Variants in IGSF9B observed in about 807,000 individuals in gnomAD.
IGSF9B encodes the protein immunoglobulin superfamily member 9B, also known as protein turtle homolog B.
IGSF9B carries 48 observed loss-of-function variants against 143.7 expected under a neutral mutation model. The observed-to-expected ratio is 0.33, with a 90% CI of 0.26 to 0.42. The LOEUF (loss-of-function observed/expected upper bound fraction) is 0.42, where lower values mean the gene tolerates loss of function less well. Ranked by LOEUF, IGSF9B falls within the 20% of genes least tolerant of loss-of-function variation. The pLI is 1.00. For missense variants in IGSF9B, 1,706 were observed against 1,980.0 expected (o/e 0.86, Z 2.63); for synonymous variants, 903 against 833.1 (o/e 1.08, Z -1.44).
intron 4 of IGSF9B, 60 bp downstream of exon 4, chr11:133,937,750 G>A: frequency 1.3e-6 from 2 of 1,562,478 alleles, no homozygotes; most frequent in Non-Finnish European, 1.7e-6. Flanking sequence ...TGCAGTAGGA[G>A]GCTGCCCTGG....
chr11:133,921,730 C>T (rs1939542719), intron 17 of IGSF9B, among the ~76,000 whole-genome samples: 1 of 152,058 alleles, frequency 6.6e-6, no homozygotes, highest in African/African-American at 2.4e-5. Flanking sequence ...TTCCAGTGAA[C>T]ACCCGCCTCT....
intron 18 of IGSF9B, among the ~76,000 whole-genome samples, chr11:133,917,109 G>C (rs185330159): frequency 1.5e-3 from 224 of 152,286 alleles, no homozygotes; most frequent in African/African-American, 5.2e-3. Flanking sequence ...CTCTAGGGGG[G>C]GAAGGCACCT....
rs917831979 is a variant in IGSF9B at position 133,931,425 on chromosome 11, C to A, written c.1368+28G>T. 4 of 1,534,018 alleles carry A rather than the reference C, an allele frequency of 2.6e-6. No homozygotes were observed. Among genetic ancestry groups the A allele is most frequent in the African/African-American group, 1.4e-5 (1 of 73,110 alleles). On this transcript the variant is annotated intron_variant, in intron 10 of 19. Transcript: ENST00000533871. The surrounding 1 kb of genome is among the most constrained non-coding windows in gnomAD (Gnocchi z 7.7). Reference sequence around the variant, plus strand: ...CTCCCTGGGCCCTCACACCTCCCTGCAGACCCAGGGCTCCAGGGCCCAGGT... The same window carrying A: ...CTCCCTGGGCCCTCACACCTCCCTGAAGACCCAGGGCTCCAGGGCCCAGGT...
intron 6 of IGSF9B, 72 bp downstream of exon 6, chr11:133,935,981 T>G: frequency 6.4e-7 from 1 of 1,557,066 alleles, no homozygotes; most frequent in Non-Finnish European, 8.7e-7. Flanking sequence ...GCCCGTGCAA[T>G]TTCTGCTCAG....
rs1198664502 is a variant in IGSF9B, at chr11:133,917,851, T to C, written c.3983+1891A>G. Among the ~76,000 whole-genome samples, 4 of 152,018 alleles carry C rather than the reference T, an allele frequency of 2.6e-5. No homozygotes were observed. The East Asian group carries it at 7.8e-4, about 30-fold the overall frequency. ...AGGGTGCGGGGGGGCTCTTCCTGGA[T>C]ACCAGAGGGGCCCCAGAGAGGTCCC... On this transcript the variant is annotated intron_variant, in intron 18 of 19. Coordinates refer to ENST00000533871, the MANE Select transcript of IGSF9B (RefSeq NM_001277285.4).
In IGSF9B at chr11:133,945,410, C is replaced by T. The variant is rs1348207808; in HGVS notation, c.262+651G>A. 6.6e-6 allele frequency among the ~76,000 whole-genome samples: 1 copy of T among 152,236 alleles called. No individual in the cohort carries two copies. The highest frequency in any genetic ancestry group is 1.5e-5 in the Non-Finnish European group (1 of 68,048). ...CAAAGATGAAAGTGAAGGCAGTGCC[C>T]TGCCTGCTTCCTCCCTTCCTTTCAA... On this transcript the variant is annotated intron_variant, in intron 2 of 19. Coordinates refer to ENST00000533871, the MANE Select transcript of IGSF9B (RefSeq NM_001277285.4). The surrounding 1 kb of genome is among the most constrained non-coding windows in gnomAD (Gnocchi z 4.6).
At position 133,931,810 on chromosome 11, in the gene IGSF9B, C is replaced by G; in HGVS notation, c.1111-15G>C. 1 of 1,610,406 alleles carries G rather than the reference C, an allele frequency of 6.2e-7. No individual in the cohort carries two copies. Among genetic ancestry groups the G allele is most frequent in the East Asian group, 2.2e-5 (1 of 44,852 alleles). Reference sequence around the variant, plus strand: ...CAACCGAGGTTCTGCCAGACACAGACGATAGGGCAGGGAACGCTGGTCAGA... The same window carrying G: ...CAACCGAGGTTCTGCCAGACACAGAGGATAGGGCAGGGAACGCTGGTCAGA... On this transcript the variant is annotated splice_polypyrimidine_tract_variant and intron_variant, in intron 8 of 19. Coordinates refer to ENST00000533871, the MANE Select transcript of IGSF9B (RefSeq NM_001277285.4). The surrounding 1 kb of genome is among the most constrained non-coding windows in gnomAD (Gnocchi z 7.7).
At chr11:133,941,587 A>T (rs1939956286) in intron 3 of IGSF9B, among the ~76,000 whole-genome samples, 1 of 152,202 alleles carries the variant, frequency 6.6e-6, no homozygotes, top group Non-Finnish European at 1.5e-5. Context: ...GCAGAAGAGG[A>T]GAAAGGAGAT....
At position 133,948,265 on chromosome 11, in the gene IGSF9B, A is replaced by T. The variant is rs1406612325; in HGVS notation, c.65-2007T>A. Among the ~76,000 whole-genome samples, 1 of 152,046 alleles carries T rather than the reference A, an allele frequency of 6.6e-6. No individual in the cohort carries two copies. The highest frequency in any genetic ancestry group is 1.5e-5 in the Non-Finnish European group (1 of 67,996). On this transcript the variant is annotated intron_variant, in intron 1 of 19. Coordinates refer to ENST00000533871, the MANE Select transcript of IGSF9B (RefSeq NM_001277285.4). The surrounding 1 kb of genome is among the most constrained non-coding windows in gnomAD (Gnocchi z 4.7). Reference sequence around the variant, plus strand: ...CCCCCTCCCCTGCAAGTTGCGGAAGAGGGAGGAGGCAAGCCCTTCCAGAAG... The same window carrying T: ...CCCCCTCCCCTGCAAGTTGCGGAAGTGGGAGGAGGCAAGCCCTTCCAGAAG...
intron 12 of IGSF9B, 94 bp downstream of exon 12, chr11:133,929,577 C>T (rs1939686389): frequency 1.1e-6 from 1 of 892,506 alleles, no homozygotes; most frequent in Non-Finnish European, 1.8e-6. Flanking sequence ...GCAGCCTCCT[C>T]CTACCTCCCC....
At chr11:133,944,783 G>A (rs965956743) in intron 2 of IGSF9B, among the ~76,000 whole-genome samples, 2 of 152,190 alleles carry the variant, frequency 1.3e-5, no homozygotes, top group African/African-American at 2.4e-5. Flanking sequence ...GCACCCGGGA[G>A]CACCTCCATT....
At chr11:133,922,534 GC>G in intron 16 of IGSF9B, 34 bp downstream of exon 16, 1 of 1,594,392 alleles carries the variant, frequency 6.3e-7, no homozygotes, top group South Asian at 1.1e-5. Context: ...TTGAAACCGG[GC>G]CAGGGAGAGC....
In IGSF9B at chr11:133,902,622, G is replaced by C. The variant is rs1939157385; in HGVS notation, c.*6447C>G. 6.8e-6 allele frequency among the ~76,000 whole-genome samples: 1 copy of C among 147,544 alleles called. No individual in the cohort carries two copies. The highest frequency in any genetic ancestry group is 2.5e-5 in the African/African-American group (1 of 40,016). The stretch of plus-strand genomic sequence containing the variant: ...TTCCTGAATCCAGAAAAGAAACACT[G>C]GACTAGACAGCTGGCTGGGGGTTAG... On this transcript the variant is annotated 3_prime_UTR_variant, in exon 20 of 20. Coordinates refer to ENST00000533871, the MANE Select transcript of IGSF9B (RefSeq NM_001277285.4).
At position 133,909,366 on chromosome 11, in the gene IGSF9B, TC is replaced by T. The variant is rs1448160178; in HGVS notation, c.4106-90del. 9.4e-7 allele frequency: 1 copy of T among 1,058,294 alleles called. No individual in the cohort carries two copies. The highest frequency in any genetic ancestry group is 2.6e-5 in the East Asian group (1 of 38,516). The allele number at this position is 1,058,294 out of a possible 1,614,324, so 65.6% of individuals were successfully genotyped here. A position where few individuals can be genotyped will look rare whatever the true frequency, so the allele number is the denominator to read the frequency against. ...GCTCACCTTTTCCACCTGCATTTGT[TC>T]CGGGTTTCTAATGTTGAAACAAAGG... On this transcript the variant is annotated intron_variant, in intron 19 of 19. Coordinates refer to ENST00000533871, the MANE Select transcript of IGSF9B (RefSeq NM_001277285.4). The surrounding 1 kb of genome is among the most constrained non-coding windows in gnomAD (Gnocchi z 4.2).
In IGSF9B at chr11:133,937,459, C is replaced by T; in HGVS notation, c.596G>A (p.Ser199Asn). ...GGTGTAGGCACCTCTGTCCTCCCGACTGACCGATGTCACTGTCAGGCTGCC... is the reference window on the plus strand; with the variant it reads ...GGTGTAGGCACCTCTGTCCTCCCGATTGACCGATGTCACTGTCAGGCTGCC... Reference protein sequence around the residue: ...SDGSLTVTSVSREDRGAYTCR... With the variant: ...SDGSLTVTSVNREDRGAYTCR... The change falls in exon 5 of 20, where the codon AGT becomes AAT. Residue 199 changes from serine to asparagine, a missense_variant. Coordinates refer to ENST00000533871, the MANE Select transcript of IGSF9B (RefSeq NM_001277285.4). 6.2e-7 allele frequency: 1 copy of T among 1,613,866 alleles called. No homozygotes were observed. The highest frequency in any genetic ancestry group is 8.5e-7 in the Non-Finnish European group (1 of 1,179,794).
rs550698364 is a variant in IGSF9B at position 133,903,472 on chromosome 11, T to C, written c.*5597A>G. ...ACCGCAGAAGACAACACCCATGTGA[T>C]TTTAATGACTGGCCACTGTTCCACC... On this transcript the variant is annotated 3_prime_UTR_variant, in exon 20 of 20. Transcript: ENST00000533871. Among the ~76,000 whole-genome samples the C allele has an allele frequency of 7.2e-5, 11 of 152,222 alleles. No homozygotes were observed. Among genetic ancestry groups the C allele is most frequent in the Non-Finnish European group, 1.3e-4 (9 of 68,050 alleles).
chr11:133,944,414 C>T (rs1390036686), intron 2 of IGSF9B, 48 bp from the exon 3 acceptor site: 2 of 1,594,560 alleles, frequency 1.3e-6, no homozygotes, highest in Admixed American at 1.7e-5. Flanking sequence ...CAGGTAAGGA[C>T]AGCAGCTCCC....
In IGSF9B at chr11:133,953,980, T is replaced by C. The variant is rs754992291; in HGVS notation, c.64+2711A>G. ...CAACCTCTGTCCCGCACCCGAGGGC[T>C]GATGGAGTCGGGTCCCAACACAACA... is the stretch of plus-strand genomic sequence containing the variant. On this transcript the variant is annotated intron_variant, in intron 1 of 19. Coordinates refer to ENST00000533871, the MANE Select transcript of IGSF9B (RefSeq NM_001277285.4). The surrounding 1 kb of genome is among the most constrained non-coding windows in gnomAD (Gnocchi z 4.2). Among the ~76,000 whole-genome samples, 15 of 152,166 alleles carry C rather than the reference T, an allele frequency of 9.9e-5. No homozygotes were observed. The highest frequency in any genetic ancestry group is 1.2e-4 in the Non-Finnish European group (8 of 68,034).
Position 133,899,895 on chromosome 11 carries a change from GATCATTCA to G in IGSF9B, c.*9166_*9173del, listed in dbSNP as rs1400978682. 3 of 152,150 alleles carry G rather than the reference GATCATTCA, an allele frequency of 2.0e-5. No homozygotes were observed. Among genetic ancestry groups the G allele is most frequent in the Admixed American group, 2.0e-4 (3 of 15,280 alleles). 9.4% of individuals were successfully genotyped at this position (152,150 alleles called of 1,614,324 possible). A position where few individuals can be genotyped will look rare whatever the true frequency, so the allele number is the denominator to read the frequency against. On this transcript the variant is annotated 3_prime_UTR_variant, in exon 20 of 20. Coordinates refer to ENST00000533871, the MANE Select transcript of IGSF9B (RefSeq NM_001277285.4). The stretch of plus-strand genomic sequence containing the variant: ...CTCAGCTGCAGGAGCCTGCAAGAAA[GATCATTCA>G]AGGCAAGGATGGTGCCACTGACAGT...
Sources: allele counts gnomAD v4.1 joint callset (sites outside exome capture counted in the v4.1 genomes callset), GRCh38; gene constraint gnomAD v4.1.1; non-coding constraint Gnocchi (gnomAD v3.1); transcripts MANE v1.5; gene names NCBI Gene and HGNC (gene_info 2026-07-23, HGNC 2026-07-21).